ZNF138: variants seen among roughly 807,000 people sequenced by gnomAD.
ZNF138 encodes zinc finger protein 138.
Under a neutral mutation model 33.0 loss-of-function variants are expected in ZNF138, and 33 were observed. The observed-to-expected ratio is 1.00, with a 90% CI of 0.76 to 1.34. ZNF138 has a LOEUF of 1.34. Ranked by LOEUF, ZNF138 falls within the 40% of genes most tolerant of loss-of-function variation. The pLI, the probability that ZNF138 is intolerant of heterozygous loss-of-function variation, is 0.00. For synonymous variants in ZNF138, 139 were observed against 120.4 expected, an observed-to-expected ratio of 1.15 and a Z score of -1.01; for missense variants, 360 against 370.8, an observed-to-expected ratio of 0.97 and a Z score of 0.24.
chr7:64,842,253 G>A, the ZNF138 span, among the ~76,000 whole-genome samples: 4 of 152,082 alleles, frequency 2.6e-5, no homozygotes, highest in Non-Finnish European at 4.4e-5. Flanking sequence ...TAGTACAGAC[G>A]TGGTTTCACC....
At chr7:64,840,038 G>C in the ZNF138 span, among the ~76,000 whole-genome samples, 1 of 152,088 alleles carries the variant, frequency 6.6e-6, no homozygotes, top group Non-Finnish European at 1.5e-5. Flanking sequence ...AGTGTGACAC[G>C]TCCTAGTGGG....
chr7:64,801,854 C>T (rs1415576899), intron 1 of ZNF138, among the ~76,000 whole-genome samples: 1 of 152,136 alleles, frequency 6.6e-6, no homozygotes, highest in African/African-American at 2.4e-5. Context: ...AATCTTGGGA[C>T]CCAAAACTCA....
chr7:64,844,597 T>G, the ZNF138 span, among the ~76,000 whole-genome samples: 1 of 16,784 alleles, frequency 6.0e-5, no homozygotes, highest in South Asian at 0.015. Flanking sequence ...TCTTTTTAAT[T>G]TTTTATTTTT....
chr7:64,860,598 C>G, the ZNF138 span, among the ~76,000 whole-genome samples: 2 of 152,058 alleles, frequency 1.3e-5, no homozygotes, highest in African/African-American at 4.8e-5. Context: ...AATAAATGGG[C>G]AGCACTTTTG....
rs532723703 is a variant in ZNF138 at position 64,794,438 on chromosome 7, A to G, written c.-131A>G. 2.9e-6 allele frequency: 4 copies of G among 1,373,300 alleles called. No individual in the cohort carries two copies. The highest frequency in any genetic ancestry group is 2.5e-5 in the East Asian group (1 of 40,640). The allele number at this position is 1,373,300 out of a possible 1,614,324, so 85.1% of individuals were successfully genotyped here. A position where few individuals can be genotyped will look rare whatever the true frequency, so the allele number is the denominator to read the frequency against. Reference sequence around the variant, plus strand: ...GGCGGCGGGGTCTTTGTCTCGCTGCAGCGGGTGCTGCAGGTCTGGCCTTCA... The same window carrying G: ...GGCGGCGGGGTCTTTGTCTCGCTGCGGCGGGTGCTGCAGGTCTGGCCTTCA... On this transcript the variant is annotated 5_prime_UTR_variant, in exon 1 of 4. Transcript: ENST00000307355.
At chr7:64,800,089 G>T (rs148056059) in intron 1 of ZNF138, among the ~76,000 whole-genome samples, 1 of 152,310 alleles carries the variant, frequency 6.6e-6, no homozygotes, top group East Asian at 1.9e-4. Context: ...AGACAGAAAA[G>T]AGAAGAACTT....
rs1282265536 is a variant in ZNF138 at position 64,832,216 on chromosome 7, A to G, written c.*14A>G. On this transcript the variant is annotated 3_prime_UTR_variant, in exon 4 of 4. Transcript: ENST00000307355. ...AACCTATCTTAACAACTTACTGAAC[A>G]TAAGAAAATTTACACTAGAGAGAAA... is the stretch of plus-strand genomic sequence containing the variant. 5 of 1,602,986 alleles carry G rather than the reference A, an allele frequency of 3.1e-6. No individual in the cohort carries two copies. Among genetic ancestry groups the G allele is most frequent in the Non-Finnish European group, 3.4e-6 (4 of 1,176,894 alleles).
chr7:64,855,385 A>G, the ZNF138 span, among the ~76,000 whole-genome samples: 1 of 152,246 alleles, frequency 6.6e-6, no homozygotes, highest in Admixed American at 6.5e-5. Context: ...AAATGTCAAC[A>G]AAATTTCATA....
the ZNF138 span, among the ~76,000 whole-genome samples, chr7:64,843,029 G>T: frequency 1.3e-5 from 2 of 152,122 alleles, no homozygotes; most frequent in Non-Finnish European, 2.9e-5. Flanking sequence ...ACTTCAATAA[G>T]ATTAAGTTTT....
chr7:64,836,047 C>T (rs895125136), downstream of ZNF138: 2 of 152,212 alleles, frequency 1.3e-5, no homozygotes, highest in African/African-American at 2.4e-5. Flanking sequence ...TGTGGAGTTA[C>T]ACCAGAAGTA....
At chr7:64,806,128 A>G (rs1787576336) in intron 1 of ZNF138, among the ~76,000 whole-genome samples, 1 of 152,230 alleles carries the variant, frequency 6.6e-6, no homozygotes, top group Non-Finnish European at 1.5e-5. Context: ...CACATATAAT[A>G]TAAACATACA....
At chr7:64,849,368 T>C in the ZNF138 span, among the ~76,000 whole-genome samples, 1 of 152,196 alleles carries the variant, frequency 6.6e-6, no homozygotes, top group South Asian at 2.1e-4. Context: ...TGGACTCTGT[T>C]AAGGTCCTTA....
chr7:64,847,155 TTAGC>T, the ZNF138 span, among the ~76,000 whole-genome samples: 3 of 151,888 alleles, frequency 2.0e-5, no homozygotes, highest in African/African-American at 7.3e-5. Context: ...TTTGATTTGG[TTAGC>T]TAGTATTTTC....
rs11983033 is a variant in ZNF138 at position 64,794,523 on chromosome 7, T to C, written c.-46T>C. 1,062,479 of 1,611,214 alleles carry C rather than the reference T, an allele frequency of 0.66. 354,602 individuals carry two copies. Among genetic ancestry groups the C allele is most frequent in the African/African-American group, 0.91 (67,960 of 74,938 alleles). Reference sequence around the variant, plus strand: ...CTCTGTGGCGCTGTGATCTGGTTATTGGGAGATTCACAGCTAAGACGCCAG... The same window carrying C: ...CTCTGTGGCGCTGTGATCTGGTTATCGGGAGATTCACAGCTAAGACGCCAG... On this transcript the variant is annotated 5_prime_UTR_variant, in exon 1 of 4. Transcript: ENST00000307355.
At chr7:64,800,692 C>T (rs1391599201) in intron 1 of ZNF138, among the ~76,000 whole-genome samples, 1 of 152,134 alleles carries the variant, frequency 6.6e-6, no homozygotes, top group Non-Finnish European at 1.5e-5. Flanking sequence ...TGATGCTGTT[C>T]TTACCTAATG....
chr7:64,828,817 G>T (rs1789852691), intron 3 of ZNF138, among the ~76,000 whole-genome samples: 1 of 150,160 alleles, frequency 6.7e-6, no homozygotes. Context: ...GTACTTTATT[G>T]TCTCTCGACA....
At chr7:64,818,462 G>A (rs143844405) in intron 3 of ZNF138, among the ~76,000 whole-genome samples, 1 of 151,988 alleles carries the variant, frequency 6.6e-6, no homozygotes, top group Non-Finnish European at 1.5e-5. Flanking sequence ...TTCTTTAAAT[G>A]CTTGTTGAGC....
At chr7:64,806,197 G>C (rs1379475557) in intron 1 of ZNF138, among the ~76,000 whole-genome samples, 1 of 152,182 alleles carries the variant, frequency 6.6e-6, no homozygotes, top group Non-Finnish European at 1.5e-5. Context: ...TCAACTCACG[G>C]TTGTGCTGCA....
At chr7:64,847,984 C>T in the ZNF138 span, among the ~76,000 whole-genome samples, 3 of 151,972 alleles carry the variant, frequency 2.0e-5, no homozygotes, top group South Asian at 2.1e-4. Context: ...TCTGTTTTGA[C>T]GTGTTTCAAA....
Sources: allele counts gnomAD v4.1 joint callset (sites outside exome capture counted in the v4.1 genomes callset), GRCh38; gene constraint gnomAD v4.1.1; transcripts MANE v1.5; gene names NCBI Gene and HGNC (gene_info 2026-07-23, HGNC 2026-07-21).